Variants in VWA3A observed in about 807,000 individuals in gnomAD.
The protein encoded by VWA3A is von Willebrand factor A domain-containing protein 3A.
VWA3A carries 134 observed loss-of-function variants against 160.4 expected under a neutral mutation model. That is an observed-to-expected ratio of 0.84 (90% CI 0.73 to 0.96). The LOEUF (loss-of-function observed/expected upper bound fraction) is 0.96. Ranked by LOEUF, VWA3A falls within the 40% of genes least tolerant of loss-of-function variation. VWA3A has a pLI of 0.00. For missense variants in VWA3A, 1,310 were observed against 1,447.9 expected (o/e 0.90, Z 1.55); for synonymous variants, 476 against 543.4 (o/e 0.88, Z 1.72).
At chr16:22,124,655 T>C (rs537987397) in intron 16 of VWA3A, among the ~76,000 whole-genome samples, 3 of 151,684 alleles carry the variant, frequency 2.0e-5, no homozygotes, top group East Asian at 3.9e-4. Context: ...CAGCCTCCCA[T>C]CATGTTAGGA....
At chr16:22,145,827 GT>G (rs1378951001) in intron 26 of VWA3A, among the ~76,000 whole-genome samples, 1 of 150,580 alleles carries the variant, frequency 6.6e-6, no homozygotes, top group Non-Finnish European at 1.5e-5. Context: ...GTGGGTTTTT[GT>G]TTGTTTGTTG....
rs547673481 is a variant in VWA3A, at chr16:22,104,692, A to T, written c.483+1163A>T. Among the ~76,000 whole-genome samples, 445 of 151,892 alleles carry T rather than the reference A, an allele frequency of 2.9e-3. 1 individual carries two copies. Among genetic ancestry groups the T allele is most frequent in the East Asian group, 0.011 (56 of 5,160 alleles). ...AAGACTTGTCTTTTAAAAAAAAAAA[A>T]TTTTTTTTAATTAAATGTTTTTCTC... On this transcript the variant is annotated intron_variant, in intron 6 of 33. Transcript: ENST00000389398.
intron 9 of VWA3A, chr16:22,116,473 GAGAA>G (rs2045650461): frequency 1.2e-5 from 6 of 502,574 alleles, no homozygotes; most frequent in South Asian, 3.6e-5. Context: ...AAGGAAGAGA[GAGAA>G]AGAAAAGAAA....
Position 22,139,212 on chromosome 16 carries a change from G to A in VWA3A, c.2292+700G>A, listed in dbSNP as rs151127566. Among the ~76,000 whole-genome samples the A allele has an allele frequency of 2.8e-3, 425 of 152,264 alleles. 6 individuals carry two copies. In the East Asian group the frequency reaches 0.056, roughly 20 times the overall value. On this transcript the variant is annotated intron_variant, in intron 22 of 33. Transcript: ENST00000389398. Reference sequence around the variant, plus strand: ...GCCTGTGCAGCCGGGTTCTGCCCTCGTTCGGGGAACTCTGCCAGGTTTCAG... The same window carrying A: ...GCCTGTGCAGCCGGGTTCTGCCCTCATTCGGGGAACTCTGCCAGGTTTCAG...
rs2046116446 is a variant in VWA3A, at chr16:22,140,078, AT to A, written c.2293-74del. ...CCCTACAAAAGTTCCTGATTGACAA[AT>A]TGAGGTCAGGGTAACTGGGATCCTG... On this transcript the variant is annotated intron_variant, in intron 22 of 33. Coordinates refer to ENST00000389398, the MANE Select transcript of VWA3A (RefSeq NM_173615.5). 48 of 1,451,754 alleles carry A rather than the reference AT, an allele frequency of 3.3e-5. No homozygotes were observed. The South Asian group carries it at 5.8e-4, about 17-fold the overall frequency. The allele number at this position is 1,451,754 out of a possible 1,614,324, so 89.9% of individuals were successfully genotyped here.
chr16:22,105,231 C>T (rs1047334261), intron 6 of VWA3A, among the ~76,000 whole-genome samples: 1 of 152,184 alleles, frequency 6.6e-6, no homozygotes, highest in African/African-American at 2.4e-5. Flanking sequence ...TCCACTACCC[C>T]ATCCTCGCAC....
rs747300959 is a variant in VWA3A, at chr16:22,100,167, G to A, written c.226-27G>A. On this transcript the variant is annotated intron_variant, in intron 3 of 33. Coordinates refer to ENST00000389398, the MANE Select transcript of VWA3A (RefSeq NM_173615.5). ...TTCCTTCCCTCTCTTTCCACTTCAC[G>A]GTTTGACTCTGGCTTTTGTCTTGCA... is the stretch of plus-strand genomic sequence containing the variant. 17 of 1,522,520 alleles carry A rather than the reference G, an allele frequency of 1.1e-5. 1 individual carries two copies. In the South Asian group the frequency reaches 1.3e-4, roughly 11 times the overall value. 94.3% of individuals were successfully genotyped at this position (1,522,520 alleles called of 1,614,324 possible).
In VWA3A at chr16:22,138,454, G is replaced by C; in HGVS notation, c.2234G>C (p.Arg745Thr). Reference protein sequence around the residue: ...PKEKPKTLQLRSQPKKLCPPR... With the variant: ...PKEKPKTLQLTSQPKKLCPPR... ...GAAAAACCAAAGACACTTCAGCTAA[G>C]AAGTCAGCCCAAGAAGCTCTGCCCT... Residue 745 changes from arginine (R) to threonine (T), a missense_variant, in exon 22 of 34, where the codon AGA (arginine) becomes ACA (threonine). By Grantham distance (71) the Arg-to-Thr change is moderately conservative (BLOSUM62 -1). Transcript: ENST00000389398. 6.2e-7 allele frequency: 1 copy of C among 1,613,692 alleles called. No individual in the cohort carries two copies. Among genetic ancestry groups the C allele is most frequent in the African/African-American group, 1.3e-5 (1 of 74,972 alleles).
chr16:22,144,531 G>A (rs2046213810), intron 26 of VWA3A, 147 bp downstream of exon 26: 1 of 1,231,564 alleles, frequency 8.1e-7, no homozygotes, highest in Admixed American at 3.1e-5. Context: ...CCAAATAGGA[G>A]ATGCAAAATC....
chr16:22,147,538 C>A (rs554725961), intron 27 of VWA3A: 1 of 702,072 alleles, frequency 1.4e-6, no homozygotes, highest in South Asian at 1.5e-5. Flanking sequence ...TGGCTTTGTA[C>A]GTGCCACTCA....
Position 22,132,984 on chromosome 16 carries a change from A to G in VWA3A, c.1957A>G (p.Lys653Glu). ...GTGTCTCTTCTACGTGGGCGAGCCA[A>G]AGATGGACACCACACCCCCTGCCCG... ...NVCLFYVGEPKMDTTPPARYA... is the reference protein window; with the variant it reads ...NVCLFYVGEPEMDTTPPARYA... Residue 653 changes from lysine (K) to glutamate (E), a missense_variant, in exon 20 of 34, where the codon AAG becomes GAG. By Grantham distance (56) the Lys-to-Glu change is moderately conservative. Transcript: ENST00000389398. 6.2e-7 allele frequency: 1 copy of G among 1,613,978 alleles called. No homozygotes were observed. The highest frequency in any genetic ancestry group is 8.5e-7 in the Non-Finnish European group (1 of 1,179,886).
chr16:22,126,277 G>C lies in VWA3A; in HGVS notation c.1632G>C (p.Lys544Asn), dbSNP rs748720432. Residue 544 changes from lysine to asparagine, a missense_variant, in exon 17 of 34, where the codon AAG becomes AAC. Coordinates refer to ENST00000389398, the MANE Select transcript of VWA3A (RefSeq NM_173615.5). ...RLLLEEQLSN[K>N]DCFNLIAFGS... ...TGCTGGAGGAGCAGTTATCCAACAA[G>C]GACTGTTTCAACCTCATCGCGTATG... 4 of 1,613,840 alleles carry C rather than the reference G, an allele frequency of 2.5e-6. No homozygotes were observed. The highest frequency in any genetic ancestry group is 3.4e-6 in the Non-Finnish European group (4 of 1,179,836).
chr16:22,113,776 T>C (rs2045591686), intron 8 of VWA3A, among the ~76,000 whole-genome samples: 1 of 151,516 alleles, frequency 6.6e-6, no homozygotes, highest in Non-Finnish European at 1.5e-5. Flanking sequence ...ATTTTTCCTT[T>C]TTTGTGGAGA....
At position 22,126,175 on chromosome 16, in the gene VWA3A, T is replaced by C; in HGVS notation, c.1533-3T>C. 6.2e-7 allele frequency: 1 copy of C among 1,613,618 alleles called. No homozygotes were observed. Among genetic ancestry groups the C allele is most frequent in the Non-Finnish European group, 8.5e-7 (1 of 1,179,724 alleles). On this transcript the variant is annotated splice_region_variant and splice_polypyrimidine_tract_variant and intron_variant, in intron 16 of 33. Transcript: ENST00000389398. Reference sequence around the variant, plus strand: ...TCCTCTTAAAGCTCGTGTTTCCTTTTAGGGTGGTTGTACTGCTCGATATCT... The same window carrying C: ...TCCTCTTAAAGCTCGTGTTTCCTTTCAGGGTGGTTGTACTGCTCGATATCT...
At chr16:22,114,037 A>G (rs1286998522) in intron 8 of VWA3A, among the ~76,000 whole-genome samples, 1 of 152,150 alleles carries the variant, frequency 6.6e-6, no homozygotes, top group Non-Finnish European at 1.5e-5. Context: ...GAAAAAAAAA[A>G]AAGAAAGCAG....
At chr16:22,142,578 C>A (rs2046171042) in intron 24 of VWA3A, 90 bp from the exon 25 acceptor site, 4 of 960,990 alleles carry the variant, frequency 4.2e-6, no homozygotes, top group Non-Finnish European at 6.4e-6. Context: ...CCATTAAGCC[C>A]CATCTCCAAC....
In VWA3A at chr16:22,153,112, G is replaced by A. The variant is rs139897425; in HGVS notation, c.3405+478G>A. Among the ~76,000 whole-genome samples, 1,314 of 152,248 alleles carry A rather than the reference G, an allele frequency of 8.6e-3. 21 individuals carry two copies. The highest frequency in any genetic ancestry group is 0.029 in the African/African-American group (1,184 of 41,542). On this transcript the variant is annotated intron_variant, in intron 31 of 33. Coordinates refer to ENST00000389398, the MANE Select transcript of VWA3A (RefSeq NM_173615.5). ...TGTAATCCCATCACTTTGGGAGGCC[G>A]AGGTGGGTGGATCACTTGAGGTCAG...
chr16:22,103,743 T>G (rs1297561696), intron 6 of VWA3A, among the ~76,000 whole-genome samples: 1 of 152,188 alleles, frequency 6.6e-6, no homozygotes, highest in Non-Finnish European at 1.5e-5. Context: ...TTTCCTGAGT[T>G]GGTTTTATTC....
intron 14 of VWA3A, 114 bp from the exon 15 acceptor site, chr16:22,122,971 A>T (rs2045772060): frequency 1.2e-6 from 1 of 813,730 alleles, no homozygotes; most frequent in African/African-American, 1.7e-5. Flanking sequence ...CCGACCTCAA[A>T]TGTGTTCAGA....
Sources: gnomAD v4.1 joint callset for allele counts (sites outside exome capture counted in the v4.1 genomes callset) on GRCh38, gnomAD v4.1.1 for gene constraint, MANE v1.5 for transcripts, NCBI Gene and HGNC (gene_info 2026-07-23, HGNC 2026-07-21) for gene names.